RAD54L2: variants seen among roughly 807,000 people sequenced by gnomAD.
RAD54L2 encodes RAD54 like 2.
In RAD54L2, 27 loss-of-function variants were observed where a neutral mutation model predicts 138.4. The observed-to-expected ratio is 0.20, with a 90% CI of 0.14 to 0.27. RAD54L2 has a LOEUF of 0.27. Among genes scored for constraint, RAD54L2 ranks in the 10% least tolerant of loss-of-function variants. The probability of loss-of-function intolerance (pLI) is 1.00; values close to 1 mark genes in which losing one functional copy is unlikely to be tolerated. For missense variants in RAD54L2, 1,396 were observed against 1,890.2 expected (o/e 0.74, Z 4.85); for synonymous variants, 644 against 723.2 (o/e 0.89, Z 1.76).
chr3:51,638,223 C>T lies in RAD54L2; in HGVS notation c.1762C>T (p.Arg588Ter). ...VILVRLSKIQ[R>*]DLYTQFMDRF... ...CCTTGTGCGGCTCTCCAAGATCCAG[C>T]GAGATTTGTATACACAGTTCATGGA... The change falls in exon 12 of 23, where the codon CGA becomes TGA. Residue 588 changes from arginine (R) to a stop codon, truncating the protein, a stop_gained. Coordinates refer to ENST00000684192, the MANE Select transcript of RAD54L2 (RefSeq NM_015106.4). LOFTEE classifies it high-confidence loss of function. The surrounding 1 kb of genome is among the most constrained non-coding windows in gnomAD (Gnocchi z 4.3). The T allele has an allele frequency of 6.2e-7, 1 of 1,613,932 alleles. No individual in the cohort carries two copies. Among genetic ancestry groups the T allele is most frequent in the Non-Finnish European group, 8.5e-7 (1 of 1,179,870 alleles).
At chr3:51,596,638 G>T (rs1261749857) in intron 3 of RAD54L2, among the ~76,000 whole-genome samples, 1 of 152,108 alleles carries the variant, frequency 6.6e-6, no homozygotes, top group East Asian at 1.9e-4. Context: ...ACTACCACTT[G>T]CATTTCTTTT....
chr3:51,581,836 A>G (rs1348826271), intron 2 of RAD54L2, among the ~76,000 whole-genome samples: 1 of 152,028 alleles, frequency 6.6e-6, no homozygotes. Flanking sequence ...TTCTGAACTC[A>G]GGGCTGACTT....
Position 51,655,851 on chromosome 3 carries a change from C to T in RAD54L2, c.3027-120C>T, listed in dbSNP as rs79787579. 3.9e-3 allele frequency: 3,293 copies of T among 843,160 alleles called. 25 individuals are homozygous for T. The highest frequency in any genetic ancestry group is 0.014 in the South Asian group (632 of 46,550). 52.2% of individuals were successfully genotyped at this position (843,160 alleles called of 1,614,324 possible). On this transcript the variant is annotated intron_variant, in intron 19 of 22. Coordinates refer to ENST00000684192, the MANE Select transcript of RAD54L2 (RefSeq NM_015106.4). The stretch of plus-strand genomic sequence containing the variant: ...ACCAGACCCTGCAGATTCTTCTGAT[C>T]CTTCTCTGAGCATCAACTGATGGTG...
intron 2 of RAD54L2, among the ~76,000 whole-genome samples, chr3:51,572,961 C>A (rs975071963): frequency 6.6e-6 from 1 of 152,012 alleles, no homozygotes; most frequent in Non-Finnish European, 1.5e-5. Context: ...ATTTTAAGCA[C>A]TCTTATTTCT....
intron 22 of RAD54L2, among the ~76,000 whole-genome samples, chr3:51,661,661 C>A (rs1043805035): frequency 2.6e-5 from 4 of 152,184 alleles, no homozygotes; most frequent in Non-Finnish European, 5.9e-5. Flanking sequence ...TTGTTCCCTG[C>A]TTTGTATTAT....
intron 2 of RAD54L2, among the ~76,000 whole-genome samples, chr3:51,561,669 C>T (rs980827882): frequency 7.9e-5 from 12 of 152,024 alleles, no homozygotes; most frequent in African/African-American, 2.9e-4. Context: ...TCAAGCAATC[C>T]TCCCACCTCA....
Position 51,662,864 on chromosome 3 carries a change from C to T in RAD54L2, c.3848C>T (p.Pro1283Leu), listed in dbSNP as rs938327194. ...GGTCATCTGCCAGCCCCCGTGCAGC[C>T]GTATGAACACGGGTATCCAGTCTCT... Reference protein sequence around the residue: ...RKGHLPAPVQPYEHGYPVSGG... With the variant: ...RKGHLPAPVQLYEHGYPVSGG... Residue 1283 changes from proline to leucine, a missense_variant, in exon 23 of 23, where the codon CCG (proline) becomes CTG (leucine). Physicochemically the swap from Pro to Leu is moderately conservative, Grantham distance 98. Transcript: ENST00000684192. This position sits in a 1 kb window ranked among gnomAD's most constrained non-coding sequence, Gnocchi z 4.6. 7 of 1,613,656 alleles carry T rather than the reference C, an allele frequency of 4.3e-6. No individual in the cohort carries two copies. Among genetic ancestry groups the T allele is most frequent in the Admixed American group, 1.7e-5 (1 of 59,988 alleles).
At chr3:51,620,663 TTCCCA>T (rs1700551695) in intron 3 of RAD54L2, among the ~76,000 whole-genome samples, 1 of 152,118 alleles carries the variant, frequency 6.6e-6, no homozygotes, top group South Asian at 2.1e-4. Flanking sequence ...TCATAATTCA[TTCCCA>T]AGAAACTTAT....
chr3:51,616,728 TGAGGCAGGAAAA>T (rs1700452175), intron 3 of RAD54L2, among the ~76,000 whole-genome samples: 1 of 152,124 alleles, frequency 6.6e-6, no homozygotes, highest in African/African-American at 2.4e-5. Context: ...CTTGGGAGGC[TGAGGCAGGAAAA>T]TTGCTTGAAC....
chr3:51,546,299 A>G (rs1276783330), intron 2 of RAD54L2, among the ~76,000 whole-genome samples: 1 of 152,124 alleles, frequency 6.6e-6, no homozygotes, highest in East Asian at 1.9e-4. Flanking sequence ...TAAAAGCATG[A>G]AAAGTAACTG....
rs754155953 is a variant in RAD54L2 at position 51,641,874 on chromosome 3, T to G, written c.2350+7T>G. Reference sequence around the variant, plus strand: ...CGAAACATCAGCTACTTCCGTGAGTTCATTGTTGCGTTGTTCTTGAAGCCT... The same window carrying G: ...CGAAACATCAGCTACTTCCGTGAGTGCATTGTTGCGTTGTTCTTGAAGCCT... On this transcript the variant is annotated splice_region_variant and intron_variant, in intron 15 of 22. Transcript: ENST00000684192. The G allele has an allele frequency of 4.5e-6, 7 of 1,557,654 alleles. No homozygotes were observed. The Admixed American group carries it at 1.3e-4, about 29-fold the overall frequency.
At chr3:51,655,167 A>C (rs1287733408) in intron 19 of RAD54L2, among the ~76,000 whole-genome samples, 3 of 152,162 alleles carry the variant, frequency 2.0e-5, no homozygotes, top group Non-Finnish European at 2.9e-5. Context: ...TTTATGTGCC[A>C]ATCTTCAGTC....
intron 2 of RAD54L2, among the ~76,000 whole-genome samples, chr3:51,547,735 C>T (rs1281512630): frequency 6.6e-6 from 1 of 152,046 alleles, no homozygotes; most frequent in Non-Finnish European, 1.5e-5. Context: ...GCATGTGCCA[C>T]TGTGCCCAGC....
rs572606661 is a variant in RAD54L2, at chr3:51,660,018, A to T, written c.3317-8A>T. 3.2e-6 allele frequency: 5 copies of T among 1,566,354 alleles called. No homozygotes were observed. In the South Asian group the frequency reaches 5.7e-5, roughly 18 times the overall value. ...GCCTCTAACTGTCTTCTTCGTGTCT[A>T]TTCTTAGGGACGTACATCCGTACCA... On this transcript the variant is annotated splice_polypyrimidine_tract_variant and splice_region_variant and intron_variant, in intron 21 of 22. Transcript: ENST00000684192.
In RAD54L2 at chr3:51,538,812, G is replaced by C. The variant is rs1577374432; in HGVS notation, c.-220G>C. Among the ~76,000 whole-genome samples the C allele has an allele frequency of 1.3e-5, 2 of 151,844 alleles. No individual in the cohort carries two copies. The highest frequency in any genetic ancestry group is 3.9e-4 in the East Asian group (2 of 5,186). On this transcript the variant is annotated 5_prime_UTR_variant, in exon 1 of 23. Coordinates refer to ENST00000684192, the MANE Select transcript of RAD54L2 (RefSeq NM_015106.4). Reference sequence around the variant, plus strand: ...CCGGCTGCTTCCCGCCTCAGCCGCCGCCCCCGCCTCCGCCGCCGCAGACTT... The same window carrying C: ...CCGGCTGCTTCCCGCCTCAGCCGCCCCCCCCGCCTCCGCCGCCGCAGACTT...
At chr3:51,549,777 CAAAA>C (rs5848927) in intron 2 of RAD54L2, among the ~76,000 whole-genome samples, 3 of 63,054 alleles carry the variant, frequency 4.8e-5, no homozygotes, top group Non-Finnish European at 6.8e-5. Context: ...GTCTCCATCT[CAAAA>C]AAAAAAAAAA....
intron 2 of RAD54L2, among the ~76,000 whole-genome samples, chr3:51,585,598 G>A (rs933223340): frequency 1.2e-4 from 19 of 152,134 alleles, no homozygotes; most frequent in Non-Finnish European, 2.1e-4. Context: ...GACAGGTGGC[G>A]TTGTCTTTGA....
In RAD54L2 at chr3:51,651,572, A is replaced by G. The variant is rs578221963; in HGVS notation, c.3027-4399A>G. On this transcript the variant is annotated intron_variant, in intron 19 of 22. Coordinates refer to ENST00000684192, the MANE Select transcript of RAD54L2 (RefSeq NM_015106.4). ...GGCAAACAGAATCTAACAGCATATC[A>G]AAAAGCTTATCCACCAAGATCAAGT... Among the ~76,000 whole-genome samples, 295 of 152,354 alleles carry G rather than the reference A, an allele frequency of 1.9e-3. 2 individuals are homozygous for G. The highest frequency in any genetic ancestry group is 2.8e-3 in the Non-Finnish European group (192 of 68,032).
rs1203318958 is a variant in RAD54L2, at chr3:51,662,647, G to A, written c.3631G>A (p.Asp1211Asn). 1 of 1,613,208 alleles carries A rather than the reference G, an allele frequency of 6.2e-7. No homozygotes were observed. Among genetic ancestry groups the A allele is most frequent in the Admixed American group, 1.7e-5 (1 of 59,928 alleles). Residue 1211 changes from aspartate to asparagine, a missense_variant, in exon 23 of 23, where the codon GAC (aspartate) becomes AAC (asparagine). Transcript: ENST00000684192. This position sits in a 1 kb window ranked among gnomAD's most constrained non-coding sequence, Gnocchi z 4.6. The part of the protein sequence containing the change: ...ALPGPPAQLM[D>N]SSAVPGTALG... The stretch of plus-strand genomic sequence containing the variant: ...GCCTGGCCCCCCGGCCCAACTTATG[G>A]ACAGCAGTGCTGTTCCCGGGACAGC...
Sources: gnomAD v4.1 joint callset for allele counts (sites outside exome capture counted in the v4.1 genomes callset) on GRCh38, gnomAD v4.1.1 for gene constraint, Gnocchi (gnomAD v3.1) non-coding constraint, MANE v1.5 for transcripts, NCBI Gene and HGNC (gene_info 2026-07-23, HGNC 2026-07-21) for gene names.